Variants in KCTD8 observed in about 807,000 individuals in gnomAD.
KCTD8 encodes the protein BTB/POZ domain-containing protein KCTD8.
In KCTD8, 27 loss-of-function variants were observed where a neutral mutation model predicts 31.5. That is an observed-to-expected ratio of 0.86 (90% confidence interval 0.63 to 1.18). The LOEUF (loss-of-function observed/expected upper bound fraction) is 1.18. KCTD8 is among the 50% of genes most tolerant of loss of function. The probability of loss-of-function intolerance (pLI) is 0.00; values close to 1 mark genes in which losing one functional copy is unlikely to be tolerated. For missense variants in KCTD8, 658 were observed against 647.7 expected, an observed-to-expected ratio of 1.02 and a Z score of -0.17; for synonymous variants, 290 against 280.0, an observed-to-expected ratio of 1.04 and a Z score of -0.36.
intron 1 of KCTD8, 128 bp from the exon 2 acceptor site, chr4:44,175,378 T>C: frequency 1.7e-6 from 1 of 592,982 alleles, no homozygotes; most frequent in Non-Finnish European, 2.8e-6. Context: ...ATGGTGCATA[T>C]TGTACTAGTC....
intron 1 of KCTD8, among the ~76,000 whole-genome samples, chr4:44,268,227 G>A (rs1446076975): frequency 1.3e-5 from 2 of 152,080 alleles, no homozygotes; most frequent in Non-Finnish European, 2.9e-5. Flanking sequence ...TGGGATGCAA[G>A]GCTGGTTCAA....
intron 1 of KCTD8, among the ~76,000 whole-genome samples, chr4:44,421,264 TG>T (rs1456473057): frequency 6.6e-6 from 1 of 152,116 alleles, no homozygotes; most frequent in Non-Finnish European, 1.5e-5. Flanking sequence ...GACACATACA[TG>T]AAAATTTTAT....
intron 1 of KCTD8, among the ~76,000 whole-genome samples, chr4:44,180,249 T>C (rs1713338136): frequency 6.6e-6 from 1 of 152,148 alleles, no homozygotes; most frequent in Admixed American, 6.5e-5. Flanking sequence ...TCTTCCATCA[T>C]ATAAAGAACT....
chr4:44,431,069 T>TA (rs1336092333), intron 1 of KCTD8, among the ~76,000 whole-genome samples: 7 of 151,722 alleles, frequency 4.6e-5, no homozygotes, highest in Non-Finnish European at 8.9e-5. Context: ...AAATATAACT[T>TA]ACAATAGCAA....
At chr4:44,381,196 C>T (rs1279133412) in intron 1 of KCTD8, among the ~76,000 whole-genome samples, 1 of 151,894 alleles carries the variant, frequency 6.6e-6, no homozygotes, top group African/African-American at 2.4e-5. Context: ...TATATAAATG[C>T]CATGGGAGAT....
intron 1 of KCTD8, among the ~76,000 whole-genome samples, chr4:44,430,890 A>G (rs763732977): frequency 2.0e-5 from 3 of 151,454 alleles, no homozygotes; most frequent in Non-Finnish European, 3.0e-5. Flanking sequence ...TCACCAGTCT[A>G]TAAGCCCTGA....
intron 1 of KCTD8, 119 bp downstream of exon 1, chr4:44,447,444 A>C: frequency 3.5e-6 from 5 of 1,409,566 alleles, no homozygotes; most frequent in South Asian, 3.2e-5. Flanking sequence ...GCCGCTCTCT[A>C]TAAGGAGTTA....
At chr4:44,367,768 A>C (rs1719679412) in intron 1 of KCTD8, among the ~76,000 whole-genome samples, 1 of 152,128 alleles carries the variant, frequency 6.6e-6, no homozygotes, top group African/African-American at 2.4e-5. Flanking sequence ...GAATGTATAA[A>C]ATATAGCAAA....
At chr4:44,246,526 G>A (rs978168218) in intron 1 of KCTD8, among the ~76,000 whole-genome samples, 1 of 151,938 alleles carries the variant, frequency 6.6e-6, no homozygotes, top group African/African-American at 2.4e-5. Flanking sequence ...ACTTCTTTCG[G>A]AGGAAGTAGG....
chr4:44,371,448 G>GTCTAC (rs1230262898), intron 1 of KCTD8, among the ~76,000 whole-genome samples: 1 of 152,186 alleles, frequency 6.6e-6, no homozygotes, highest in Non-Finnish European at 1.5e-5. Context: ...GTATCCCTGA[G>GTCTAC]GTAGAGCACA....
chr4:44,350,154 G>A (rs1347718266), intron 1 of KCTD8, among the ~76,000 whole-genome samples: 1 of 152,076 alleles, frequency 6.6e-6, no homozygotes, highest in African/African-American at 2.4e-5. Flanking sequence ...GCCTGTATCT[G>A]ATAATTTTCC....
chr4:44,231,165 C>T (rs986273122), intron 1 of KCTD8, among the ~76,000 whole-genome samples: 2 of 152,126 alleles, frequency 1.3e-5, no homozygotes, highest in African/African-American at 4.8e-5. Flanking sequence ...TCTCAATTAT[C>T]CTCCAGCTGC....
At chr4:44,342,599 A>T (rs985149440) in intron 1 of KCTD8, among the ~76,000 whole-genome samples, 5 of 152,162 alleles carry the variant, frequency 3.3e-5, no homozygotes, top group Admixed American at 1.3e-4. Flanking sequence ...AGATACTAAG[A>T]AGAGAGATAA....
At chr4:44,409,481 A>G (rs769156171) in intron 1 of KCTD8, among the ~76,000 whole-genome samples, 2 of 152,130 alleles carry the variant, frequency 1.3e-5, no homozygotes, top group Non-Finnish European at 2.9e-5. Flanking sequence ...GGTGATGGCC[A>G]GGTTGGCCCT....
intron 1 of KCTD8, among the ~76,000 whole-genome samples, chr4:44,377,981 G>T (rs1719957425): frequency 6.6e-6 from 1 of 151,748 alleles, no homozygotes; most frequent in South Asian, 2.1e-4. Context: ...ACAGATATTT[G>T]CTTTCCTCCA....
At chr4:44,299,170 T>C (rs1717531104) in intron 1 of KCTD8, among the ~76,000 whole-genome samples, 1 of 152,316 alleles carries the variant, frequency 6.6e-6, no homozygotes, top group East Asian at 1.9e-4. Flanking sequence ...TAGTATTACA[T>C]AGGTAACTCC....
chr4:44,402,627 G>A (rs1188920744), intron 1 of KCTD8, among the ~76,000 whole-genome samples: 1 of 152,034 alleles, frequency 6.6e-6, no homozygotes, highest in Non-Finnish European at 1.5e-5. Context: ...GGGGGCCCTA[G>A]AAATGTATTT....
At chr4:44,220,442 T>C (rs577626201) in intron 1 of KCTD8, among the ~76,000 whole-genome samples, 1 of 152,208 alleles carries the variant, frequency 6.6e-6, no homozygotes, top group Non-Finnish European at 1.5e-5. Context: ...AGGAACACCA[T>C]CCTCTAAATC....
At chr4:44,191,361 C>T (rs1713759168) in intron 1 of KCTD8, among the ~76,000 whole-genome samples, 1 of 151,976 alleles carries the variant, frequency 6.6e-6, no homozygotes, top group South Asian at 2.1e-4. Flanking sequence ...ATCAGTGCAA[C>T]TTGAAAAATA....
Sources: gnomAD v4.1 joint callset for allele counts (sites outside exome capture counted in the v4.1 genomes callset) on GRCh38, gnomAD v4.1.1 for gene constraint, MANE v1.5 for transcripts, NCBI Gene and HGNC (gene_info 2026-07-23, HGNC 2026-07-21) for gene names.